Variants in NAV3 observed in about 807,000 individuals in gnomAD.
NAV3 encodes neuron navigator 3.
Under a neutral mutation model 244.7 loss-of-function variants are expected in NAV3, and 87 were observed. The ratio of observed to expected loss-of-function variants is 0.36; its 90% CI spans 0.30 to 0.42. The LOEUF is 0.42. Ranked by LOEUF, NAV3 falls within the 20% of genes least tolerant of loss-of-function variation. The pLI, the probability that NAV3 is intolerant of heterozygous loss-of-function variation, is 1.00. For missense variants in NAV3, 2,663 were observed against 2,893.3 expected (o/e 0.92, Z 1.83); for synonymous variants, 1,126 against 1,042.2 (o/e 1.08, Z -1.55).
At chr12:78,055,907 T>C (rs1365219865) in intron 11 of NAV3, among the ~76,000 whole-genome samples, 2 of 152,220 alleles carry the variant, frequency 1.3e-5, no homozygotes, top group African/African-American at 2.4e-5. Flanking sequence ...AATGCTGTTA[T>C]AGACTTTGTC....
intron 2 of NAV3, among the ~76,000 whole-genome samples, chr12:77,796,395 A>G (rs1355078333): frequency 6.6e-6 from 1 of 152,332 alleles, no homozygotes; most frequent in Non-Finnish European, 1.5e-5. Flanking sequence ...GATAAAACAT[A>G]AACAGATAAG....
intron 2 of NAV3, among the ~76,000 whole-genome samples, chr12:77,672,169 A>G (rs1834707265): frequency 1.3e-5 from 2 of 152,152 alleles, no homozygotes; most frequent in African/African-American, 2.4e-5. Flanking sequence ...CAACATCACT[A>G]ACGATCAGGG....
intron 1 of NAV3, among the ~76,000 whole-genome samples, chr12:77,883,563 G>T (rs891466445): frequency 3.3e-5 from 5 of 151,974 alleles, no homozygotes; most frequent in Non-Finnish European, 7.4e-5. Flanking sequence ...TAACAAACCT[G>T]CACATGTACT....
At chr12:78,092,836 G>A (rs1381431334) in intron 12 of NAV3, among the ~76,000 whole-genome samples, 1 of 152,018 alleles carries the variant, frequency 6.6e-6, no homozygotes, top group Non-Finnish European at 1.5e-5. Flanking sequence ...ATCCATATTC[G>A]CTTGGGTCTT....
intron 2 of NAV3, among the ~76,000 whole-genome samples, chr12:77,806,640 C>T (rs1871995135): frequency 6.6e-6 from 1 of 152,128 alleles, no homozygotes; most frequent in Non-Finnish European, 1.5e-5. Context: ...AATGTGTATT[C>T]TGTTGATTTG....
chr12:77,714,776 C>G lies in NAV3; in HGVS notation c.72+142510C>G, dbSNP rs77786586. Reference sequence around the variant, plus strand: ...AATTTGCAAAGACATTTAATCTATTCCTTTTATACAGTATCTCTAACAATT... The same window carrying G: ...AATTTGCAAAGACATTTAATCTATTGCTTTTATACAGTATCTCTAACAATT... On this transcript the variant is annotated intron_variant, in intron 2 of 8. Transcript: ENST00000550042. 4.5e-3 allele frequency among the ~76,000 whole-genome samples: 692 copies of G among 152,098 alleles called. 5 individuals carry two copies. Among genetic ancestry groups the G allele is most frequent in the African/African-American group, 0.016 (649 of 41,508 alleles).
At chr12:77,997,379 C>T (rs530111530) in intron 6 of NAV3, among the ~76,000 whole-genome samples, 18 of 151,966 alleles carry the variant, frequency 1.2e-4, no homozygotes, top group Non-Finnish European at 1.3e-4. Context: ...AGGCACAATC[C>T]ATTACATAAT....
chr12:77,581,670 A>G (rs1869369820), intron 2 of NAV3, among the ~76,000 whole-genome samples: 1 of 152,198 alleles, frequency 6.6e-6, no homozygotes, highest in African/African-American at 2.4e-5. Context: ...AACTTGAGAT[A>G]GTTTTGATCC....
chr12:78,158,168 CTT>C (rs1386882296), intron 22 of NAV3, among the ~76,000 whole-genome samples: 8 of 152,178 alleles, frequency 5.3e-5, no homozygotes, highest in African/African-American at 1.9e-4. Context: ...TTATTCATGT[CTT>C]TCAAAAAGAA....
At chr12:77,908,468 A>C (rs1886233865) in intron 1 of NAV3, among the ~76,000 whole-genome samples, 1 of 152,100 alleles carries the variant, frequency 6.6e-6, no homozygotes, top group Non-Finnish European at 1.5e-5. Context: ...GCTTTCTAGA[A>C]GGAGAAAAAA....
chr12:77,752,223 T>C (rs1310481006), intron 2 of NAV3, among the ~76,000 whole-genome samples: 1 of 152,214 alleles, frequency 6.6e-6, no homozygotes, highest in East Asian at 1.9e-4. Context: ...TTGTTCTTAA[T>C]TTAAACTTGG....
chr12:77,583,794 C>T (rs919137099), intron 2 of NAV3, among the ~76,000 whole-genome samples: 5 of 152,168 alleles, frequency 3.3e-5, no homozygotes, highest in African/African-American at 1.2e-4. Context: ...AGCTCTTTAA[C>T]ATGGCCCATG....
chr12:77,776,835 G>A (rs12311133), intron 2 of NAV3, among the ~76,000 whole-genome samples: 80,722 of 151,946 alleles, frequency 0.53, 21,597 homozygotes, highest in South Asian at 0.65. Context: ...ACAAAAATTA[G>A]CCCGGTCTGG....
intron 1 of NAV3, among the ~76,000 whole-genome samples, chr12:77,910,619 C>T (rs1886485669): frequency 6.6e-6 from 1 of 152,004 alleles, no homozygotes; most frequent in South Asian, 2.1e-4. Flanking sequence ...AGTGTCTGAC[C>T]ACCAGAAGCA....
chr12:77,680,928 C>T (rs540403486), intron 2 of NAV3, among the ~76,000 whole-genome samples: 70 of 152,080 alleles, frequency 4.6e-4, no homozygotes, highest in African/African-American at 1.4e-3. Flanking sequence ...AAATAGTTTT[C>T]CCTTTTATTC....
At chr12:78,018,999 A>G (rs1236821780) in intron 8 of NAV3, among the ~76,000 whole-genome samples, 8 of 152,152 alleles carry the variant, frequency 5.3e-5, no homozygotes. Flanking sequence ...GGGGTCCAGA[A>G]GAGAAAGAAA....
chr12:78,035,266 C>T (rs1879659167), intron 9 of NAV3, among the ~76,000 whole-genome samples: 1 of 152,098 alleles, frequency 6.6e-6, no homozygotes, highest in Non-Finnish European at 1.5e-5. Flanking sequence ...AAGATAATAT[C>T]TCTGCATATT....
chr12:77,654,500 C>T (rs1035308016), intron 2 of NAV3, among the ~76,000 whole-genome samples: 16 of 152,184 alleles, frequency 1.1e-4, no homozygotes, highest in African/African-American at 3.9e-4. Flanking sequence ...GCCTGCCTGC[C>T]TCTGTAGGCT....
At chr12:77,906,057 T>C (rs1394525431) in intron 1 of NAV3, among the ~76,000 whole-genome samples, 2 of 152,082 alleles carry the variant, frequency 1.3e-5, no homozygotes, top group South Asian at 2.1e-4. Context: ...TCCCTGAAAA[T>C]TGTGGAGCAT....
Sources: allele counts gnomAD v4.1 joint callset (sites outside exome capture counted in the v4.1 genomes callset), GRCh38; gene constraint gnomAD v4.1.1; transcripts MANE v1.5; gene names NCBI Gene and HGNC (gene_info 2026-07-23, HGNC 2026-07-21).